PRKCB: variants seen among roughly 807,000 people sequenced by gnomAD.
PRKCB encodes the protein protein kinase C beta type.
Under a neutral mutation model 81.5 loss-of-function variants are expected in PRKCB, and 13 were observed. The observed-to-expected ratio is 0.16, with a 90% CI of 0.10 to 0.25. PRKCB has a LOEUF of 0.25. Among genes scored for constraint, PRKCB ranks in the 10% least tolerant of loss-of-function variants. The pLI is 1.00. For synonymous variants in PRKCB, 335 were observed against 321.4 expected, an observed-to-expected ratio of 1.04 and a Z score of -0.45; for missense variants, 509 against 875.7, an observed-to-expected ratio of 0.58 and a Z score of 5.29.
At chr16:23,870,034 A>G (rs955019747) in intron 2 of PRKCB, among the ~76,000 whole-genome samples, 1 of 151,218 alleles carries the variant, frequency 6.6e-6, no homozygotes, top group African/African-American at 2.4e-5. Flanking sequence ...AAAAAAAAAA[A>G]GGGTAATTTA....
intron 3 of PRKCB, among the ~76,000 whole-genome samples, chr16:24,024,722 T>C (rs1965453172): frequency 6.6e-6 from 1 of 152,214 alleles, no homozygotes; most frequent in Non-Finnish European, 1.5e-5. Context: ...TTGAGCCAAG[T>C]GTCCACCTCT....
At chr16:24,030,283 A>G (rs1469611383) in intron 3 of PRKCB, among the ~76,000 whole-genome samples, 1 of 152,212 alleles carries the variant, frequency 6.6e-6, no homozygotes, top group Non-Finnish European at 1.5e-5. Context: ...TCTCTTGAAG[A>G]AGAAAGAGAA....
chr16:24,031,974 C>T, intron 3 of PRKCB, 162 bp from the exon 4 acceptor site: 1 of 553,026 alleles, frequency 1.8e-6, no homozygotes, highest in South Asian at 2.4e-5. Context: ...TTATCCAGCA[C>T]CGTTTCTGGG....
chr16:24,028,165 T>G (rs1965506232), intron 3 of PRKCB, among the ~76,000 whole-genome samples: 1 of 152,234 alleles, frequency 6.6e-6, no homozygotes. Flanking sequence ...TTCAGCTCAC[T>G]GCAACCTCTG....
At chr16:24,052,186 G>T (rs1488782945) in intron 5 of PRKCB, among the ~76,000 whole-genome samples, 1 of 152,212 alleles carries the variant, frequency 6.6e-6, no homozygotes, top group Non-Finnish European at 1.5e-5. Flanking sequence ...GGAGAGCTGA[G>T]GATGAAAAGC....
At chr16:23,882,002 CTTTCTTT>C (rs1963119731) in intron 2 of PRKCB, among the ~76,000 whole-genome samples, 13 of 90,244 alleles carry the variant, frequency 1.4e-4, no homozygotes, top group Admixed American at 3.8e-4. Context: ...TTCTTTCTTT[CTTTCTTT>C]CTTTCTTTCT....
At chr16:23,946,016 A>G (rs535383120) in intron 2 of PRKCB, among the ~76,000 whole-genome samples, 1 of 152,322 alleles carries the variant, frequency 6.6e-6, no homozygotes, top group Admixed American at 6.5e-5. Flanking sequence ...TATGACATAC[A>G]TCCTCTCATT....
chr16:24,027,273 A>G (rs1330648160), intron 3 of PRKCB, among the ~76,000 whole-genome samples: 1 of 152,062 alleles, frequency 6.6e-6, no homozygotes, highest in Non-Finnish European at 1.5e-5. Context: ...GTTCCTTTTT[A>G]GGTGGGTTTG....
intron 2 of PRKCB, among the ~76,000 whole-genome samples, chr16:23,890,130 T>C (rs1156708249): frequency 6.6e-6 from 1 of 152,256 alleles, no homozygotes; most frequent in Non-Finnish European, 1.5e-5. Flanking sequence ...GTAGGTCCTA[T>C]TGAACACTGC....
chr16:24,184,835 A>G (rs151103441), intron 13 of PRKCB, among the ~76,000 whole-genome samples: 25 of 152,348 alleles, frequency 1.6e-4, no homozygotes, highest in African/African-American at 6.0e-4. Flanking sequence ...ACAGAGGAGT[A>G]AAGACAGTTT....
intron 9 of PRKCB, among the ~76,000 whole-genome samples, chr16:24,133,687 G>A (rs1407781351): frequency 2.0e-5 from 3 of 152,168 alleles, no homozygotes; most frequent in South Asian, 2.1e-4. Context: ...GGATTTGCAT[G>A]CATTATATCA....
chr16:24,031,163 A>G (rs1338126292), intron 3 of PRKCB, among the ~76,000 whole-genome samples: 1 of 152,228 alleles, frequency 6.6e-6, no homozygotes, highest in Non-Finnish European at 1.5e-5. Context: ...TTACCACTGC[A>G]CTGCACTGCC....
chr16:23,869,343 C>T (rs796341026), intron 2 of PRKCB: 4 of 291,010 alleles, frequency 1.4e-5, no homozygotes, highest in African/African-American at 6.6e-5. Context: ...TGCAGTGACA[C>T]GTAGCACGAG....
chr16:24,053,912 T>C lies in PRKCB; in HGVS notation c.529+18365T>C, dbSNP rs141387980. Reference sequence around the variant, plus strand: ...TGATTCTTGGGAGGGAATTTGTCTTTTCTCTTAGTCCAATGGGAATCCATT... The same window carrying C: ...TGATTCTTGGGAGGGAATTTGTCTTCTCTCTTAGTCCAATGGGAATCCATT... On this transcript the variant is annotated intron_variant, in intron 5 of 16. Coordinates refer to ENST00000643927, the MANE Select transcript of PRKCB (RefSeq NM_002738.7). Among the ~76,000 whole-genome samples, 214 of 152,354 alleles carry C rather than the reference T, an allele frequency of 1.4e-3. 2 individuals carry two copies. The highest frequency in any genetic ancestry group is 2.3e-3 in the South Asian group (11 of 4,830).
intron 16 of PRKCB, among the ~76,000 whole-genome samples, chr16:24,194,351 CA>C (rs1236668317): frequency 6.6e-6 from 1 of 150,536 alleles, no homozygotes; most frequent in Non-Finnish European, 1.5e-5. Flanking sequence ...AACAAAAAAA[CA>C]AAAAACAACA....
At chr16:24,122,159 C>G (rs1966805756) in intron 8 of PRKCB, among the ~76,000 whole-genome samples, 1 of 152,026 alleles carries the variant, frequency 6.6e-6, no homozygotes, top group African/African-American at 2.4e-5. Context: ...AGGGAAGAGC[C>G]CTCTTATCAG....
chr16:24,204,512 A>G (rs114294106), intron 16 of PRKCB, among the ~76,000 whole-genome samples: 211 of 152,344 alleles, frequency 1.4e-3, no homozygotes, highest in African/African-American at 5.0e-3. Flanking sequence ...CTATAAAAAG[A>G]TAGGCAAATA....
rs1367027831 is a variant in PRKCB, at chr16:24,165,704, A to C, written c.1240-6566A>C. On this transcript the variant is annotated intron_variant, in intron 10 of 16. Transcript: ENST00000643927. ...TAAAGATGATGGACTCCAGATATGC[A>C]CTTCTTTTCTACAGAGAGGATGAAT... Among the ~76,000 whole-genome samples, 5 of 152,286 alleles carry C rather than the reference A, an allele frequency of 3.3e-5. No homozygotes were observed. The East Asian group carries it at 9.6e-4, about 29-fold the overall frequency.
intron 2 of PRKCB, among the ~76,000 whole-genome samples, chr16:23,981,741 T>C (rs1964712440): frequency 1.3e-5 from 1 of 78,390 alleles, no homozygotes; most frequent in Non-Finnish European, 2.4e-5. Context: ...CCCCTTCCCT[T>C]CCCCTTCCCT....
Sources: allele counts gnomAD v4.1 joint callset (sites outside exome capture counted in the v4.1 genomes callset), GRCh38; gene constraint gnomAD v4.1.1; transcripts MANE v1.5; gene names NCBI Gene and HGNC (gene_info 2026-07-23, HGNC 2026-07-21).